COMMD10: variants seen among roughly 807,000 people sequenced by gnomAD.
COMMD10 encodes COMM domain containing 10, also known as COMM domain-containing protein 10.
A neutral mutation model predicts 28.9 loss-of-function variants in COMMD10; 33 were observed. The ratio of observed to expected loss-of-function variants is 1.14; its 90% CI spans 0.87 to 1.53. The LOEUF is 1.53. COMMD10 is among the 40% of genes most tolerant of loss of function. The pLI is 0.00. For missense variants in COMMD10, 310 were observed against 233.4 expected (o/e 1.33, Z -2.14); for synonymous variants, 110 against 81.7 (o/e 1.35, Z -1.87).
intron 5 of COMMD10, among the ~76,000 whole-genome samples, chr5:116,287,607 C>T (rs1448290495): frequency 1.3e-5 from 2 of 151,530 alleles, no homozygotes; most frequent in Admixed American, 6.6e-5. Flanking sequence ...GACTTATTGC[C>T]GTTTTGTTAG....
At chr5:116,112,796 A>T (rs186504173) in intron 4 of COMMD10, among the ~76,000 whole-genome samples, 1 of 151,572 alleles carries the variant, frequency 6.6e-6, no homozygotes, top group Admixed American at 6.6e-5. Flanking sequence ...TTCCTGTCAT[A>T]TTGTTTTTTT....
intron 4 of COMMD10, among the ~76,000 whole-genome samples, chr5:116,118,695 T>G (rs1216454694): frequency 6.6e-6 from 1 of 152,118 alleles, no homozygotes; most frequent in Non-Finnish European, 1.5e-5. Context: ...AATTTTCTCT[T>G]TAAAAGTGAA....
chr5:116,159,511 G>A (rs1752846949), intron 5 of COMMD10, among the ~76,000 whole-genome samples: 2 of 152,286 alleles, frequency 1.3e-5, no homozygotes, highest in South Asian at 2.1e-4. Flanking sequence ...TCTGAGCTAG[G>A]TGCTGAGCAG....
At chr5:116,270,930 T>C (rs1346587238) in intron 5 of COMMD10, among the ~76,000 whole-genome samples, 1 of 151,422 alleles carries the variant, frequency 6.6e-6, no homozygotes, top group African/African-American at 2.4e-5. Flanking sequence ...CGAGCAAAAC[T>C]CTGTCTCAAA....
chr5:116,221,602 T>G (rs1226997101), intron 5 of COMMD10, among the ~76,000 whole-genome samples: 1 of 152,204 alleles, frequency 6.6e-6, no homozygotes, highest in African/African-American at 2.4e-5. Context: ...AGAAAAGGTC[T>G]TAGGTTTAGG....
At chr5:116,234,174 G>A (rs529320866) in intron 5 of COMMD10, among the ~76,000 whole-genome samples, 31 of 152,158 alleles carry the variant, frequency 2.0e-4, no homozygotes, top group Non-Finnish European at 3.8e-4. Context: ...GACAGTGGAG[G>A]CCAAAGTAAC....
intron 5 of COMMD10, among the ~76,000 whole-genome samples, chr5:116,149,715 C>A (rs1276256364): frequency 1.4e-5 from 2 of 147,268 alleles, no homozygotes; most frequent in African/African-American, 5.0e-5. Context: ...TTGTTTTTTT[C>A]TTGTAAATTT....
At chr5:116,136,335 A>G (rs938753895) in intron 5 of COMMD10, among the ~76,000 whole-genome samples, 4 of 152,226 alleles carry the variant, frequency 2.6e-5, no homozygotes, top group African/African-American at 9.6e-5. Flanking sequence ...GACTGGAGCT[A>G]TTCCATGAGT....
chr5:116,289,858 A>G (rs192234730), intron 5 of COMMD10, among the ~76,000 whole-genome samples: 1 of 152,012 alleles, frequency 6.6e-6, no homozygotes, highest in Non-Finnish European at 1.5e-5. Flanking sequence ...TCTGATCCGT[A>G]TATTGTTAAC....
At chr5:116,169,651 A>T (rs4273633) in intron 5 of COMMD10, among the ~76,000 whole-genome samples, 42 of 152,134 alleles carry the variant, frequency 2.8e-4, no homozygotes, top group Admixed American at 2.3e-3. Flanking sequence ...TGATCAAGTC[A>T]GCTTCATCCC....
chr5:116,281,801 G>A (rs944399632), intron 5 of COMMD10, among the ~76,000 whole-genome samples: 1 of 151,840 alleles, frequency 6.6e-6, no homozygotes, highest in African/African-American at 2.4e-5. Flanking sequence ...TGCAGAAAAC[G>A]TTAATGAAGC....
At chr5:116,110,038 A>G (rs1464070152) in intron 4 of COMMD10, among the ~76,000 whole-genome samples, 1 of 152,180 alleles carries the variant, frequency 6.6e-6, no homozygotes, top group African/African-American at 2.4e-5. Context: ...ATTATGATGC[A>G]TATTTCTTCT....
chr5:116,233,363 A>G (rs992739653), intron 5 of COMMD10, among the ~76,000 whole-genome samples: 2 of 152,190 alleles, frequency 1.3e-5, no homozygotes, highest in Non-Finnish European at 2.9e-5. Flanking sequence ...CATAGTATAT[A>G]TAAGGGTCAG....
chr5:116,243,496 A>G (rs1035504615), intron 5 of COMMD10, among the ~76,000 whole-genome samples: 4 of 152,148 alleles, frequency 2.6e-5, no homozygotes, highest in African/African-American at 9.7e-5. Flanking sequence ...TTGTCACACT[A>G]TGGAGACTTT....
At chr5:116,156,778 G>A (rs1362737169) in intron 5 of COMMD10, among the ~76,000 whole-genome samples, 1 of 152,028 alleles carries the variant, frequency 6.6e-6, no homozygotes, top group Non-Finnish European at 1.5e-5. Flanking sequence ...CTTCTGCTTT[G>A]ATCTGTCCCA....
chr5:116,095,384 C>G (rs994783287), intron 4 of COMMD10, among the ~76,000 whole-genome samples: 1 of 152,150 alleles, frequency 6.6e-6, no homozygotes, highest in Non-Finnish European at 1.5e-5. Context: ...CTGAACATGT[C>G]TAAGGTTAGC....
chr5:116,182,492 C>T (rs755970795), intron 5 of COMMD10, among the ~76,000 whole-genome samples: 5 of 151,852 alleles, frequency 3.3e-5, no homozygotes, highest in African/African-American at 4.8e-5. Context: ...AAAATTGATA[C>T]ATTAAAGTGA....
chr5:116,237,377 C>T (rs79444392), intron 5 of COMMD10, among the ~76,000 whole-genome samples: 3 of 152,000 alleles, frequency 2.0e-5, no homozygotes, highest in South Asian at 2.1e-4. Context: ...GTATTTTTCT[C>T]TTTGGTAGTT....
At chr5:116,127,119 A>G (rs1032787544) in intron 4 of COMMD10, among the ~76,000 whole-genome samples, 1 of 152,234 alleles carries the variant, frequency 6.6e-6, no homozygotes, top group African/African-American at 2.4e-5. Flanking sequence ...GGCAAAGGAT[A>G]TGAACAGACA....
Sources: gnomAD v4.1 joint callset for allele counts (sites outside exome capture counted in the v4.1 genomes callset) on GRCh38, gnomAD v4.1.1 for gene constraint, MANE v1.5 for transcripts, NCBI Gene and HGNC (gene_info 2026-07-23, HGNC 2026-07-21) for gene names.